PLPPR1: variants seen among roughly 807,000 people sequenced by gnomAD.
PLPPR1 encodes phospholipid phosphatase related 1.
A neutral mutation model predicts 33.1 loss-of-function variants in PLPPR1; 10 were observed. The observed-to-expected ratio is 0.30, with a 90% CI of 0.19 to 0.51. The LOEUF (loss-of-function observed/expected upper bound fraction) is 0.51, where lower values mean the gene tolerates loss of function less well. Among genes scored for constraint, PLPPR1 ranks in the 20% least tolerant of loss-of-function variants. The pLI is 0.97. For synonymous variants in PLPPR1, 151 were observed against 151.0 expected (o/e 1.00, Z 0.00); for missense variants, 304 against 408.1 (o/e 0.74, Z 2.20).
In PLPPR1 at chr9:101,036,765, T is replaced by A. The variant is rs866089756; in HGVS notation, c.-46+7663T>A. Among the ~76,000 whole-genome samples, 67 of 138,904 alleles carry A rather than the reference T, an allele frequency of 4.8e-4. No homozygotes were observed. The Middle Eastern group carries it at 0.015, about 32-fold the overall frequency. 91.1% of individuals were successfully genotyped at this position (138,904 alleles called of 152,430 possible). A position where few individuals can be genotyped will look rare whatever the true frequency, so the allele number is the denominator to read the frequency against. The stretch of plus-strand genomic sequence containing the variant: ...AGGAAAGAAGCATGAATGAAAAGGA[T>A]AAAAAGAAATAGATGAAAGACATTT... On this transcript the variant is annotated intron_variant, in intron 1 of 7. Coordinates refer to ENST00000374874, the MANE Select transcript of PLPPR1 (RefSeq NM_207299.2).
chr9:101,230,357 A>G (rs1337996378), intron 2 of PLPPR1, among the ~76,000 whole-genome samples: 1 of 152,146 alleles, frequency 6.6e-6, no homozygotes, highest in Non-Finnish European at 1.5e-5. Context: ...ATTTCCTTTC[A>G]TATGGAAAGA....
At chr9:101,171,282 A>G (rs151095650) in intron 1 of PLPPR1, among the ~76,000 whole-genome samples, 29 of 152,294 alleles carry the variant, frequency 1.9e-4, no homozygotes, top group African/African-American at 5.5e-4. Context: ...AACAAGGACA[A>G]TGTACTGTGG....
At chr9:101,196,771 G>C (rs905899158) in intron 2 of PLPPR1, among the ~76,000 whole-genome samples, 1 of 151,854 alleles carries the variant, frequency 6.6e-6, no homozygotes, top group Non-Finnish European at 1.5e-5. Context: ...AGGCTGAGGC[G>C]GGAGAATGGC....
chr9:101,292,752 G>T (rs1828538394), intron 4 of PLPPR1, among the ~76,000 whole-genome samples: 1 of 151,814 alleles, frequency 6.6e-6, no homozygotes, highest in Admixed American at 6.6e-5. Flanking sequence ...ACAAGCAAAT[G>T]CTGAGAGATT....
intron 1 of PLPPR1, among the ~76,000 whole-genome samples, chr9:101,151,585 A>G (rs963902194): frequency 2.6e-5 from 4 of 152,212 alleles, no homozygotes; most frequent in Admixed American, 1.3e-4. Flanking sequence ...ATTCTGGATG[A>G]ATGTTTGAGC....
At chr9:101,152,340 C>T (rs558386653) in intron 1 of PLPPR1, among the ~76,000 whole-genome samples, 489 of 152,246 alleles carry the variant, frequency 3.2e-3, no homozygotes, top group Non-Finnish European at 5.2e-3. Context: ...TTCTCCCATT[C>T]TGTAGATTGC....
At chr9:101,070,513 A>T (rs888298305) in intron 1 of PLPPR1, among the ~76,000 whole-genome samples, 3 of 152,040 alleles carry the variant, frequency 2.0e-5, no homozygotes, top group Admixed American at 1.3e-4. Context: ...TTACCAACAG[A>T]TTATTAGATC....
At chr9:101,165,051 C>CT (rs1281029717) in intron 1 of PLPPR1, among the ~76,000 whole-genome samples, 1 of 152,080 alleles carries the variant, frequency 6.6e-6, no homozygotes, top group Non-Finnish European at 1.5e-5. Context: ...ACTTAGGTAA[C>CT]ATTTAAAGCA....
rs536744216 is a variant in PLPPR1 at position 101,119,779 on chromosome 9, A to G, written c.-45-65671A>G. Among the ~76,000 whole-genome samples, 25 of 152,252 alleles carry G rather than the reference A, an allele frequency of 1.6e-4. No homozygotes were observed. The East Asian group carries it at 4.8e-3, about 29-fold the overall frequency. Reference sequence around the variant, plus strand: ...CCTCAATTGGCCTTTTTGCCCCTCTATCTAGCTTAGAGAATGCAGTGGCTC... The same window carrying G: ...CCTCAATTGGCCTTTTTGCCCCTCTGTCTAGCTTAGAGAATGCAGTGGCTC... On this transcript the variant is annotated intron_variant, in intron 1 of 7. Coordinates refer to ENST00000374874, the MANE Select transcript of PLPPR1 (RefSeq NM_207299.2).
At chr9:101,197,084 A>G (rs1826410585) in intron 2 of PLPPR1, among the ~76,000 whole-genome samples, 2 of 152,290 alleles carry the variant, frequency 1.3e-5, no homozygotes, top group Admixed American at 1.3e-4. Flanking sequence ...CAACAGCTCT[A>G]CACAATTGCC....
chr9:101,291,323 G>C (rs1278566536), intron 4 of PLPPR1, among the ~76,000 whole-genome samples: 2 of 152,246 alleles, frequency 1.3e-5, no homozygotes. Flanking sequence ...AGCTCACAGA[G>C]GCCTGCCTGC....
chr9:101,069,541 C>A (rs1830459198), intron 1 of PLPPR1, among the ~76,000 whole-genome samples: 1 of 152,102 alleles, frequency 6.6e-6, no homozygotes. Flanking sequence ...GGTTCTTAAC[C>A]TGCCTGCACA....
At chr9:101,143,085 G>C (rs184346600) in intron 1 of PLPPR1, among the ~76,000 whole-genome samples, 2 of 151,844 alleles carry the variant, frequency 1.3e-5, no homozygotes, top group East Asian at 3.9e-4. Flanking sequence ...TCATTTCCTC[G>C]TCATCTCTTA....
intron 3 of PLPPR1, among the ~76,000 whole-genome samples, chr9:101,283,479 A>G (rs13289265): frequency 5.3e-5 from 8 of 152,082 alleles, no homozygotes; most frequent in Non-Finnish European, 7.4e-5. Flanking sequence ...TAAAATTAAG[A>G]CTTTATCTCA....
chr9:101,214,056 G>C (rs1411114501), intron 2 of PLPPR1, among the ~76,000 whole-genome samples: 1 of 152,138 alleles, frequency 6.6e-6, no homozygotes. Context: ...GCTCTGTAAG[G>C]CCTCCAGAAA....
intron 4 of PLPPR1, among the ~76,000 whole-genome samples, chr9:101,293,550 G>C (rs992653447): frequency 3.3e-5 from 5 of 152,132 alleles, no homozygotes; most frequent in Admixed American, 3.3e-4. Flanking sequence ...CACATAGTTG[G>C]AAGTAAAGCT....
intron 1 of PLPPR1, among the ~76,000 whole-genome samples, chr9:101,150,869 C>CT (rs2118649537): frequency 6.6e-6 from 1 of 151,878 alleles, no homozygotes; most frequent in East Asian, 1.9e-4. Flanking sequence ...GACATTTCAA[C>CT]ATGCCTTTAA....
chr9:101,033,464 A>G (rs940747579), intron 1 of PLPPR1, among the ~76,000 whole-genome samples: 1 of 152,200 alleles, frequency 6.6e-6, no homozygotes, highest in African/African-American at 2.4e-5. Flanking sequence ...GCCAAGTATT[A>G]TTTTTATTAG....
chr9:101,099,232 T>C (rs137975257), intron 1 of PLPPR1, among the ~76,000 whole-genome samples: 3 of 152,268 alleles, frequency 2.0e-5, no homozygotes, highest in East Asian at 1.9e-4. Context: ...ATGAATGCTA[T>C]TATGATGGAG....
Sources: allele counts gnomAD v4.1 joint callset (sites outside exome capture counted in the v4.1 genomes callset), GRCh38; gene constraint gnomAD v4.1.1; transcripts MANE v1.5; gene names NCBI Gene and HGNC (gene_info 2026-07-23, HGNC 2026-07-21).